Variants in ZRANB3 observed in about 807,000 individuals in gnomAD.
ZRANB3 encodes DNA annealing helicase and endonuclease ZRANB3.
Under a neutral mutation model 133.8 loss-of-function variants are expected in ZRANB3, and 125 were observed. The observed-to-expected ratio is 0.93, with a 90% CI of 0.81 to 1.08. ZRANB3 has a LOEUF of 1.08. Among genes scored for constraint, ZRANB3 ranks in the 50% least tolerant of loss-of-function variants. The pLI is 0.00. For synonymous variants in ZRANB3, 387 were observed against 432.7 expected, an observed-to-expected ratio of 0.89 and a Z score of 1.31; for missense variants, 1,229 against 1,275.5, an observed-to-expected ratio of 0.96 and a Z score of 0.56.
intron 1 of ZRANB3, among the ~76,000 whole-genome samples, chr2:135,508,852 T>A (rs1025774372): frequency 1.3e-5 from 2 of 152,136 alleles, no homozygotes; most frequent in African/African-American, 4.8e-5. Context: ...TAAAAGAAGA[T>A]GCACATTTTA....
rs769271961 is a variant in ZRANB3, at chr2:135,418,925, C to CTTTTTTTTT, written c.162-28114_162-28106dup. On this transcript the variant is annotated intron_variant, in intron 2 of 20. Coordinates refer to ENST00000264159, the MANE Select transcript of ZRANB3 (RefSeq NM_032143.4). ...AAGTAATGAAAAATAAGGATTCTCTCTTTTTTTTTTTTTTTTTTTTTTTTT... is the reference window on the plus strand; with the variant it reads ...AAGTAATGAAAAATAAGGATTCTCTCTTTTTTTTTTTTTTTTTTTTTTTTTTTTTTTTTT... 4.4e-4 allele frequency among the ~76,000 whole-genome samples: 38 copies of CTTTTTTTTT among 85,882 alleles called. 4 individuals are homozygous for CTTTTTTTTT. The highest frequency in any genetic ancestry group is 1.5e-3 in the African/African-American group (34 of 22,084). 56.3% of individuals were successfully genotyped at this position (85,882 alleles called of 152,430 possible).
intron 17 of ZRANB3, 120 bp from the exon 18 acceptor site, chr2:135,209,098 G>A (rs989941903): frequency 9.4e-6 from 8 of 855,292 alleles, no homozygotes; most frequent in Middle Eastern, 2.9e-4. Flanking sequence ...TCTATTAACT[G>A]TGCTGAAACT....
chr2:135,202,813 A>T lies in ZRANB3; in HGVS notation c.3141+19T>A. ...GACTTCTCAGGATGCAGTCAAAGCT[A>T]TATGAGAGCTTCACTGACCTCTTTG... On this transcript the variant is annotated intron_variant, in intron 20 of 20. Transcript: ENST00000264159. 7 of 1,599,526 alleles carry T rather than the reference A, an allele frequency of 4.4e-6. No individual in the cohort carries two copies. Among genetic ancestry groups the T allele is most frequent in the Non-Finnish European group, 6.0e-6 (7 of 1,172,576 alleles).
rs1382532222 is a variant in ZRANB3, at chr2:135,200,101, A to G, written c.*241T>C. 3.1e-5 allele frequency: 18 copies of G among 576,974 alleles called. No homozygotes were observed. Among genetic ancestry groups the G allele is most frequent in the South Asian group, 2.8e-4 (16 of 56,272 alleles). The allele number at this position is 576,974 out of a possible 1,614,324, so 35.7% of individuals were successfully genotyped here. On this transcript the variant is annotated 3_prime_UTR_variant, in exon 21 of 21. Transcript: ENST00000264159. The stretch of plus-strand genomic sequence containing the variant: ...GAGCTTTACAAAACATTGCTGAAAC[A>G]TAATTGCGAGTCTGAATCAAATCAA...
intron 2 of ZRANB3, among the ~76,000 whole-genome samples, chr2:135,457,192 C>T (rs1690558379): frequency 6.6e-6 from 1 of 152,134 alleles, no homozygotes; most frequent in South Asian, 2.1e-4. Flanking sequence ...ATGGATTCAG[C>T]ACATTTGTTT....
intron 6 of ZRANB3, among the ~76,000 whole-genome samples, chr2:135,330,374 T>C (rs1021800273): frequency 2.0e-5 from 3 of 152,232 alleles, no homozygotes; most frequent in African/African-American, 7.2e-5. Flanking sequence ...TTGCGTTATG[T>C]TGAACCAGGC....
intron 2 of ZRANB3, among the ~76,000 whole-genome samples, chr2:135,439,121 C>G (rs1689674020): frequency 6.6e-6 from 1 of 151,950 alleles, no homozygotes; most frequent in African/African-American, 2.4e-5. Flanking sequence ...AAGTTTTTTG[C>G]CAAGAAAAAC....
At chr2:135,283,120 A>C (rs1437903125) in intron 8 of ZRANB3, among the ~76,000 whole-genome samples, 1 of 151,902 alleles carries the variant, frequency 6.6e-6, no homozygotes, top group Non-Finnish European at 1.5e-5. Flanking sequence ...GCCTGTATCT[A>C]CAAAAAATTT....
At chr2:135,489,795 T>C (rs1410530820) in intron 2 of ZRANB3, among the ~76,000 whole-genome samples, 3 of 151,178 alleles carry the variant, frequency 2.0e-5, no homozygotes, top group East Asian at 3.9e-4. Flanking sequence ...AAAAAATAAA[T>C]TAAGAATGCA....
chr2:135,484,840 C>T (rs184971120), intron 2 of ZRANB3, among the ~76,000 whole-genome samples: 1 of 151,806 alleles, frequency 6.6e-6, no homozygotes, highest in East Asian at 1.9e-4. Flanking sequence ...TGGAGATCAG[C>T]CTGGTCAATA....
intron 2 of ZRANB3, among the ~76,000 whole-genome samples, chr2:135,478,038 AAC>A (rs981723898): frequency 2.0e-5 from 3 of 152,132 alleles, no homozygotes; most frequent in Non-Finnish European, 4.4e-5. Flanking sequence ...TCAGTCTGGA[AAC>A]ACACACACAT....
At chr2:135,263,170 T>C (rs1396029000) in intron 12 of ZRANB3, among the ~76,000 whole-genome samples, 2 of 152,230 alleles carry the variant, frequency 1.3e-5, no homozygotes, top group African/African-American at 2.4e-5. Flanking sequence ...TGTGTGTTTA[T>C]GTTTTACTAT....
chr2:135,495,576 A>G (rs917701845), intron 2 of ZRANB3, among the ~76,000 whole-genome samples: 5 of 152,238 alleles, frequency 3.3e-5, no homozygotes, highest in African/African-American at 1.2e-4. Flanking sequence ...AATGTTAAAA[A>G]TATGTGACTC....
chr2:135,353,868 G>A (rs981232374), intron 3 of ZRANB3, among the ~76,000 whole-genome samples: 17 of 151,962 alleles, frequency 1.1e-4, no homozygotes, highest in African/African-American at 4.1e-4. Context: ...AGCTGGGCGT[G>A]GTAGGACACA....
intron 2 of ZRANB3, among the ~76,000 whole-genome samples, chr2:135,454,525 T>C (rs573151501): frequency 6.6e-6 from 1 of 152,280 alleles, no homozygotes; most frequent in Non-Finnish European, 1.5e-5. Flanking sequence ...GGGCTTTTAG[T>C]CTACTATACA....
intron 12 of ZRANB3, among the ~76,000 whole-genome samples, chr2:135,233,900 A>C (rs7370910): frequency 0.2 from 30,005 of 152,094 alleles, 4,018 homozygotes; most frequent in African/African-American, 0.36. Context: ...GAGCAAAATA[A>C]CCAGCTAACA....
Position 135,432,682 on chromosome 2 carries a change from C to T in ZRANB3, c.162-41862G>A, listed in dbSNP as rs144907800. ...TAAATCAACTATTCTTCCATTCTTC[C>T]CCTCCTCTAGGCTTCAGCTGGCCCA... is the stretch of plus-strand genomic sequence containing the variant. On this transcript the variant is annotated intron_variant, in intron 2 of 20. Coordinates refer to ENST00000264159, the MANE Select transcript of ZRANB3 (RefSeq NM_032143.4). 6.7e-3 allele frequency among the ~76,000 whole-genome samples: 1,015 copies of T among 152,232 alleles called. 8 individuals are homozygous for T. Among genetic ancestry groups the T allele is most frequent in the Middle Eastern group, 0.027 (8 of 294 alleles).
At chr2:135,479,906 G>A (rs1321012275) in intron 2 of ZRANB3, among the ~76,000 whole-genome samples, 1 of 151,546 alleles carries the variant, frequency 6.6e-6, no homozygotes, top group African/African-American at 2.4e-5. Context: ...TATCTCTTTT[G>A]GTTTTTTATA....
chr2:135,305,416 T>C (rs181984614), intron 8 of ZRANB3, among the ~76,000 whole-genome samples: 3 of 152,374 alleles, frequency 2.0e-5, no homozygotes, highest in East Asian at 3.9e-4. Flanking sequence ...AGGCAGCATA[T>C]AGTTGGGTGA....
Sources: gnomAD v4.1 joint callset for allele counts (sites outside exome capture counted in the v4.1 genomes callset) on GRCh38, gnomAD v4.1.1 for gene constraint, MANE v1.5 for transcripts, NCBI Gene and HGNC (gene_info 2026-07-23, HGNC 2026-07-21) for gene names.